Variants in SORCS2 observed in about 807,000 individuals in gnomAD.
SORCS2 encodes the protein sortilin related VPS10 domain containing receptor 2.
SORCS2 carries 100 observed loss-of-function variants against 141.6 expected under a neutral mutation model. That is an observed-to-expected ratio of 0.71 (90% confidence interval 0.60 to 0.83). SORCS2 has a LOEUF of 0.83. Ranked by LOEUF, SORCS2 falls within the 40% of genes least tolerant of loss-of-function variation. The pLI is 0.00. For missense variants in SORCS2, 1,646 were observed against 1,560.2 expected (o/e 1.05, Z -0.93); for synonymous variants, 789 against 676.9 (o/e 1.17, Z -2.57).
At chr4:7,737,266 CCGCTGGGG>C (rs1712263579) in intron 26 of SORCS2, 94 bp downstream of exon 26, 2 of 1,507,362 alleles carry the variant, frequency 1.3e-6, no homozygotes, top group Non-Finnish European at 8.9e-7. Context: ...CCCCGCTGGG[CCGCTGGGG>C]CCAGCAAAAC....
intron 2 of SORCS2, among the ~76,000 whole-genome samples, chr4:7,514,107 A>T (rs1479771066): frequency 6.6e-6 from 1 of 152,152 alleles, no homozygotes; most frequent in Admixed American, 6.5e-5. Flanking sequence ...CAGACCCACA[A>T]GCTGCAAGGG....
chr4:7,699,476 CA>C (rs1560493605), intron 12 of SORCS2, among the ~76,000 whole-genome samples: 2 of 152,274 alleles, frequency 1.3e-5, no homozygotes, highest in East Asian at 3.9e-4. Context: ...TGCACCGGCT[CA>C]GGGGGCCAGC....
rs767296268 is a variant in SORCS2 at position 7,664,280 on chromosome 4, C to G, written c.953-73C>G. The stretch of plus-strand genomic sequence containing the variant: ...CAGCGGTATTGGAGGAAGATGGAGT[C>G]CAGCACATGTCTCGGGCCGTCTCTG... On this transcript the variant is annotated intron_variant, in intron 6 of 26. Coordinates refer to ENST00000507866, the MANE Select transcript of SORCS2 (RefSeq NM_020777.3). This position sits in a 1 kb window ranked among gnomAD's most constrained non-coding sequence, Gnocchi z 4.7. The G allele has an allele frequency of 4.1e-5, 50 of 1,229,938 alleles. No homozygotes were observed. Among genetic ancestry groups the G allele is most frequent in the African/African-American group, 6.0e-5 (4 of 66,846 alleles). The allele number at this position is 1,229,938 out of a possible 1,614,324, so 76.2% of individuals were successfully genotyped here. A position where few individuals can be genotyped will look rare whatever the true frequency, so the allele number is the denominator to read the frequency against.
intron 1 of SORCS2, among the ~76,000 whole-genome samples, chr4:7,228,383 AAC>A (rs1348059259): frequency 3.3e-5 from 5 of 152,176 alleles, no homozygotes; most frequent in Non-Finnish European, 7.4e-5. Context: ...TTCAACATGT[AAC>A]AGTCACCTGC....
At chr4:7,375,307 T>C (rs1257336001) in intron 1 of SORCS2, among the ~76,000 whole-genome samples, 1 of 152,194 alleles carries the variant, frequency 6.6e-6, no homozygotes, top group Non-Finnish European at 1.5e-5. Context: ...CAGTGTCTCA[T>C]TCAGATGATA....
In SORCS2 at chr4:7,663,288, G is replaced by A. The variant is rs1722295587; in HGVS notation, c.953-1065G>A. Among the ~76,000 whole-genome samples the A allele has an allele frequency of 6.6e-6, 1 of 152,118 alleles. No individual in the cohort carries two copies. On this transcript the variant is annotated intron_variant, in intron 6 of 26. Transcript: ENST00000507866. The surrounding 1 kb of genome is among the most constrained non-coding windows in gnomAD (Gnocchi z 4.8). ...TGAGTGAGTGAATGAATAAGTGAGT[G>A]AGTGAATGAGTGACTGAGTGAATGA...
At chr4:7,649,145 G>T (rs1721270735) in intron 4 of SORCS2, among the ~76,000 whole-genome samples, 5 of 152,206 alleles carry the variant, frequency 3.3e-5, no homozygotes, top group Admixed American at 3.3e-4. Context: ...GCAAAGGCCT[G>T]ACCCGGGGGA....
chr4:7,290,745 G>A (rs1236530311), intron 1 of SORCS2, among the ~76,000 whole-genome samples: 1 of 152,174 alleles, frequency 6.6e-6, no homozygotes, highest in Non-Finnish European at 1.5e-5. Context: ...TGTAGGGCAG[G>A]GCTAGCTCTC....
rs4593131 is a variant in SORCS2 at position 7,508,438 on chromosome 4, C to A, written c.549-23092C>A. Among the ~76,000 whole-genome samples, 1,504 of 150,932 alleles carry A rather than the reference C, an allele frequency of 1.0e-2. 10 individuals are homozygous for A. The highest frequency in any genetic ancestry group is 0.027 in the Middle Eastern group (8 of 292). ...TGATCTTGGCTCACTGCAACCTCCA[C>A]CTCCCGGGTTCAAGTGATTCTCCTG... On this transcript the variant is annotated intron_variant, in intron 2 of 26. Transcript: ENST00000507866.
At chr4:7,262,197 T>C (rs1714380943) in intron 1 of SORCS2, among the ~76,000 whole-genome samples, 2 of 114,994 alleles carry the variant, frequency 1.7e-5, no homozygotes, top group African/African-American at 6.8e-5. Flanking sequence ...CATCCATCTA[T>C]CCATCCATCC....
chr4:7,333,384 C>T (rs71601836), intron 1 of SORCS2, among the ~76,000 whole-genome samples: 24,663 of 152,204 alleles, frequency 0.16, 2,539 homozygotes, highest in East Asian at 0.42. Flanking sequence ...AACGTGTTCC[C>T]GTGTGTGATG....
intron 1 of SORCS2, among the ~76,000 whole-genome samples, chr4:7,353,643 G>A (rs987901289): frequency 8.5e-5 from 13 of 152,150 alleles, no homozygotes; most frequent in Admixed American, 2.6e-4. Flanking sequence ...TCTTTGCTCC[G>A]GTGGCACAGG....
chr4:7,433,875 C>A, intron 2 of SORCS2: 1 of 1,613,940 alleles, frequency 6.2e-7, no homozygotes, highest in Non-Finnish European at 8.5e-7. Flanking sequence ...AGATGATGCA[C>A]TCCTTCGTGA....
rs373092544 is a variant in SORCS2 at position 7,718,132 on chromosome 4, G to T, written c.2373G>T (p.Ala791=). ...TGCAGGTCAGCATTCAAGGCGAGGC[G>T]GTGGCCGTGCGGCCTGGAGAGGACG... ...RGLQVSIQGE[A]VAVRPGEDVL... is the part of the protein sequence containing the mutation. Residue 791 remains alanine (A), a synonymous_variant, in exon 18 of 27, where the codon GCG becomes GCT. Transcript: ENST00000507866. 1.9e-6 allele frequency: 3 copies of T among 1,611,848 alleles called. No homozygotes were observed. Among genetic ancestry groups the T allele is most frequent in the Non-Finnish European group, 2.5e-6 (3 of 1,179,304 alleles).
intron 3 of SORCS2, among the ~76,000 whole-genome samples, chr4:7,593,526 CCT>C (rs1042523513): frequency 1.3e-5 from 2 of 152,204 alleles, no homozygotes; most frequent in African/African-American, 4.8e-5. Flanking sequence ...CCCTTCCTCC[CCT>C]GTCCCCACAC....
chr4:7,600,172 C>A (rs1717563805), intron 3 of SORCS2, among the ~76,000 whole-genome samples: 1 of 152,128 alleles, frequency 6.6e-6, no homozygotes, highest in Non-Finnish European at 1.5e-5. Context: ...GTTTGTGTAA[C>A]CCTCTTTCTT....
At chr4:7,529,306 C>T (rs1188380346) in intron 2 of SORCS2, among the ~76,000 whole-genome samples, 1 of 152,154 alleles carries the variant, frequency 6.6e-6, no homozygotes, top group Non-Finnish European at 1.5e-5. Flanking sequence ...CACCCCTACA[C>T]CGTTGATTCT....
At chr4:7,458,478 C>G (rs1729067761) in intron 2 of SORCS2, among the ~76,000 whole-genome samples, 1 of 152,150 alleles carries the variant, frequency 6.6e-6, no homozygotes, top group Non-Finnish European at 1.5e-5. Context: ...CCCCCATGGT[C>G]CCCATTCCCC....
intron 10 of SORCS2, among the ~76,000 whole-genome samples, chr4:7,687,399 C>T (rs966787689): frequency 3.9e-5 from 6 of 152,196 alleles, no homozygotes; most frequent in Non-Finnish European, 7.3e-5. Context: ...TCTATTCACT[C>T]GTAGGCCTGC....
Sources: allele counts gnomAD v4.1 joint callset (sites outside exome capture counted in the v4.1 genomes callset), GRCh38; gene constraint gnomAD v4.1.1; non-coding constraint Gnocchi (gnomAD v3.1); transcripts MANE v1.5; gene names NCBI Gene and HGNC (gene_info 2026-07-23, HGNC 2026-07-21).